The following RANBP17 variants were observed in gnomAD, a reference collection of about 807,000 sequenced individuals.
RANBP17 encodes RAN binding protein 17, also known as ran-binding protein 17.
RANBP17 carries 158 observed loss-of-function variants against 141.2 expected under a neutral mutation model. The ratio of observed to expected loss-of-function variants is 1.12; its 90% CI spans 0.98 to 1.28. The LOEUF is 1.28. RANBP17 is among the 50% of genes most tolerant of loss of function. RANBP17 has a pLI of 0.00. For synonymous variants in RANBP17, 430 were observed against 450.0 expected, an observed-to-expected ratio of 0.96 and a Z score of 0.56; for missense variants, 1,438 against 1,290.7, an observed-to-expected ratio of 1.11 and a Z score of -1.75.
chr5:171,277,351 A>C (rs1385797173), intron 25 of RANBP17, among the ~76,000 whole-genome samples: 2 of 151,880 alleles, frequency 1.3e-5, no homozygotes, highest in African/African-American at 4.8e-5. Context: ...TACCACAAAA[A>C]GGATGGCTAC....
chr5:170,957,950 G>C (rs993987336), intron 13 of RANBP17, among the ~76,000 whole-genome samples: 4 of 152,128 alleles, frequency 2.6e-5, no homozygotes, highest in African/African-American at 9.7e-5. Flanking sequence ...TTTTACCTAG[G>C]AGCAATGGTT....
chr5:171,143,615 T>A (rs1246545210), intron 14 of RANBP17: 1 of 152,206 alleles, frequency 6.6e-6, no homozygotes, highest in Non-Finnish European at 1.5e-5. Flanking sequence ...CTCTCAGTGT[T>A]GTAGTTTATT....
At chr5:170,870,662 A>G (rs891192309) in intron 1 of RANBP17, among the ~76,000 whole-genome samples, 1 of 152,170 alleles carries the variant, frequency 6.6e-6, no homozygotes, top group African/African-American at 2.4e-5. Flanking sequence ...GCTATTGTGA[A>G]TAGTGCTGCA....
At chr5:171,053,706 G>A (rs1303692852) in intron 14 of RANBP17, among the ~76,000 whole-genome samples, 1 of 150,774 alleles carries the variant, frequency 6.6e-6, no homozygotes, top group Non-Finnish European at 1.5e-5. Context: ...CAATTTGTAA[G>A]CCATTTATTT....
chr5:171,029,642 G>T (rs1006367433), intron 14 of RANBP17, among the ~76,000 whole-genome samples: 1 of 152,026 alleles, frequency 6.6e-6, no homozygotes, highest in Non-Finnish European at 1.5e-5. Flanking sequence ...CAGGCAAGTG[G>T]TCATAGCTAA....
chr5:171,119,133 A>C (rs143551757), intron 14 of RANBP17, among the ~76,000 whole-genome samples: 1 of 152,196 alleles, frequency 6.6e-6, no homozygotes, highest in African/African-American at 2.4e-5. Flanking sequence ...TCATGAAGGG[A>C]TGCTGAATTT....
intron 12 of RANBP17, among the ~76,000 whole-genome samples, chr5:170,949,460 TAAACA>T (rs1775030447): frequency 6.6e-6 from 1 of 152,092 alleles, no homozygotes. Context: ...AAATGACCAC[TAAACA>T]TATGAAAGGA....
At chr5:171,074,915 A>G (rs1784825852) in intron 14 of RANBP17, among the ~76,000 whole-genome samples, 1 of 152,200 alleles carries the variant, frequency 6.6e-6, no homozygotes, top group African/African-American at 2.4e-5. Context: ...TCTGCTTTAG[A>G]TGCTGGGAGC....
chr5:170,984,057 GAATA>G (rs928491481), intron 14 of RANBP17, among the ~76,000 whole-genome samples: 2 of 152,102 alleles, frequency 1.3e-5, no homozygotes, highest in Non-Finnish European at 2.9e-5. Flanking sequence ...AGCAAATACT[GAATA>G]AATAAATAAA....
At chr5:171,038,628 C>A (rs887336202) in intron 14 of RANBP17, among the ~76,000 whole-genome samples, 1 of 151,820 alleles carries the variant, frequency 6.6e-6, no homozygotes, top group Non-Finnish European at 1.5e-5. Flanking sequence ...TCCTTTGATG[C>A]CTAGTTTATT....
chr5:171,017,473 G>T lies in RANBP17; in HGVS notation c.1710+49096G>T, dbSNP rs575530703. ...GGCTGGTGTGTTATGGTATCTCATT[G>T]TAGATTTGATGTGCATTTCTCTGAT... On this transcript the variant is annotated intron_variant, in intron 14 of 27. Transcript: ENST00000523189. Among the ~76,000 whole-genome samples the T allele has an allele frequency of 2.6e-5, 4 of 152,210 alleles. No homozygotes were observed. In the East Asian group the frequency reaches 5.8e-4, roughly 22 times the overall value.
chr5:170,870,651 T>C (rs766985639), intron 1 of RANBP17, among the ~76,000 whole-genome samples: 1 of 152,214 alleles, frequency 6.6e-6, no homozygotes, highest in Non-Finnish European at 1.5e-5. Flanking sequence ...TTCATGTCTT[T>C]GCTATTGTGA....
chr5:171,176,069 T>C (rs1040179325), intron 16 of RANBP17, among the ~76,000 whole-genome samples: 7 of 152,256 alleles, frequency 4.6e-5, no homozygotes, highest in Middle Eastern at 3.4e-3. Flanking sequence ...TGGTTTGATA[T>C]AAAGAAATAA....
intron 21 of RANBP17, among the ~76,000 whole-genome samples, chr5:171,220,464 T>C (rs1396624995): frequency 6.5e-4 from 96 of 147,572 alleles, no homozygotes; most frequent in African/African-American, 2.4e-3. Flanking sequence ...TTTTTTTTTT[T>C]TTGAGACAGA....
At position 171,235,442 on chromosome 5, in the gene RANBP17, G is replaced by T. The variant is rs1317627885; in HGVS notation, c.2423-5486G>T. ...ATAGAGAAGGGCAAAAATTGTTGGT[G>T]CCTTGTCTTTAAGCACATAAGAGAG... On this transcript the variant is annotated intron_variant, in intron 22 of 27. Transcript: ENST00000523189. 3.9e-5 allele frequency among the ~76,000 whole-genome samples: 6 copies of T among 152,026 alleles called. No homozygotes were observed. The East Asian group carries it at 9.7e-4, about 25-fold the overall frequency.
At chr5:170,960,749 G>A (rs958114026) in intron 13 of RANBP17, among the ~76,000 whole-genome samples, 5 of 152,138 alleles carry the variant, frequency 3.3e-5, no homozygotes, top group East Asian at 1.9e-4. Context: ...ATGCAATGAC[G>A]TCATTGTTTT....
intron 4 of RANBP17, among the ~76,000 whole-genome samples, 178 bp from the exon 5 acceptor site, chr5:170,895,872 T>G (rs1261796100): frequency 1.3e-5 from 2 of 152,230 alleles, no homozygotes; most frequent in Non-Finnish European, 2.9e-5. Context: ...GGTTTGAAAT[T>G]CTTTTGTTTA....
intron 14 of RANBP17, among the ~76,000 whole-genome samples, chr5:171,053,893 A>G (rs1165132836): frequency 8.0e-6 from 1 of 124,408 alleles, no homozygotes; most frequent in Admixed American, 7.9e-5. Context: ...ATATATATAT[A>G]TATATATATA....
At chr5:171,191,266 C>G (rs1016177691) in intron 18 of RANBP17, among the ~76,000 whole-genome samples, 1 of 151,976 alleles carries the variant, frequency 6.6e-6, no homozygotes, top group Non-Finnish European at 1.5e-5. Context: ...GAATTTTTTT[C>G]TTTATTAATA....
Sources: allele counts gnomAD v4.1 joint callset (sites outside exome capture counted in the v4.1 genomes callset), GRCh38; gene constraint gnomAD v4.1.1; transcripts MANE v1.5; gene names NCBI Gene and HGNC (gene_info 2026-07-23, HGNC 2026-07-21).